The following PRKCH variants were observed in gnomAD, a reference collection of about 807,000 sequenced individuals.
The protein encoded by PRKCH is protein kinase C eta type.
Under a neutral mutation model 82.5 loss-of-function variants are expected in PRKCH, and 28 were observed. The ratio of observed to expected loss-of-function variants is 0.34; its 90% confidence interval spans 0.25 to 0.47. The LOEUF (loss-of-function observed/expected upper bound fraction) is 0.47, where lower values mean the gene tolerates loss of function less well. Among genes scored for constraint, PRKCH ranks in the 20% least tolerant of loss-of-function variants. The pLI is 1.00. For synonymous variants in PRKCH, 322 were observed against 327.4 expected, an observed-to-expected ratio of 0.98 and a Z score of 0.18; for missense variants, 705 against 881.8, an observed-to-expected ratio of 0.80 and a Z score of 2.54.
At chr14:61,249,599 C>T (rs1404949295) in intron 1 of PRKCH, among the ~76,000 whole-genome samples, 1 of 150,348 alleles carries the variant, frequency 6.7e-6, no homozygotes, top group Admixed American at 6.6e-5. Context: ...ACCATTTGCT[C>T]CACCAATGGC....
intron 12 of PRKCH, among the ~76,000 whole-genome samples, chr14:61,531,107 T>C (rs1411511842): frequency 6.6e-6 from 1 of 152,192 alleles, no homozygotes; most frequent in Non-Finnish European, 1.5e-5. Context: ...GAAAGCCGGG[T>C]GCCACGCCCA....
At chr14:61,397,949 G>A (rs995813419) in intron 2 of PRKCH, among the ~76,000 whole-genome samples, 1 of 152,132 alleles carries the variant, frequency 6.6e-6, no homozygotes, top group Non-Finnish European at 1.5e-5. Flanking sequence ...ATTGCTTTGT[G>A]GAAGTCTCTC....
intron 1 of PRKCH, among the ~76,000 whole-genome samples, chr14:61,248,432 A>G (rs928886186): frequency 3.3e-5 from 5 of 152,218 alleles, no homozygotes; most frequent in Admixed American, 1.3e-4. Flanking sequence ...CAAAGCTAAG[A>G]TACTGGCTGC....
chr14:61,227,657 TA>T (rs558629500), intron 1 of PRKCH, among the ~76,000 whole-genome samples: 156 of 152,284 alleles, frequency 1.0e-3, no homozygotes, highest in African/African-American at 3.6e-3. Context: ...CGAACATTTT[TA>T]TGTCCATGCA....
intron 1 of PRKCH, among the ~76,000 whole-genome samples, chr14:61,366,150 C>T (rs985407935): frequency 6.6e-6 from 1 of 152,090 alleles, no homozygotes; most frequent in Non-Finnish European, 1.5e-5. Context: ...TGCCTGGTCC[C>T]TCCATACTGT....
At chr14:61,323,384 C>T (rs768056129) in intron 1 of PRKCH, among the ~76,000 whole-genome samples, 1 of 152,174 alleles carries the variant, frequency 6.6e-6, no homozygotes, top group Admixed American at 6.5e-5. Context: ...TCATCGTTCC[C>T]ACTTTGAGAT....
At chr14:61,314,784 C>G (rs2045549311) in intron 1 of PRKCH, among the ~76,000 whole-genome samples, 1 of 152,170 alleles carries the variant, frequency 6.6e-6, no homozygotes. Flanking sequence ...TCTCTCTCAT[C>G]ATGAGCTGTG....
intron 1 of PRKCH, among the ~76,000 whole-genome samples, chr14:61,205,421 G>C (rs1185442228): frequency 6.6e-6 from 1 of 152,170 alleles, no homozygotes; most frequent in Non-Finnish European, 1.5e-5. Flanking sequence ...CAAGCCACAG[G>C]GGATGCTGAG....
chr14:61,547,995 T>G (rs2043281284), intron 13 of PRKCH, 109 bp downstream of exon 13: 1 of 1,438,010 alleles, frequency 7.0e-7, no homozygotes, highest in Admixed American at 1.9e-5. Context: ...GACCAGAAAT[T>G]CAGCTGGATA....
chr14:61,531,810 G>A (rs540737411), intron 12 of PRKCH, among the ~76,000 whole-genome samples: 3 of 152,254 alleles, frequency 2.0e-5, no homozygotes, highest in African/African-American at 7.2e-5. Context: ...TGTAAGAACA[G>A]TTCATTTGTT....
At chr14:61,301,793 A>G (rs1361205601) in intron 1 of PRKCH, among the ~76,000 whole-genome samples, 1 of 152,230 alleles carries the variant, frequency 6.6e-6, no homozygotes, top group East Asian at 1.9e-4. Context: ...GTGAGCTGTG[A>G]TTGCACCATT....
intron 1 of PRKCH, among the ~76,000 whole-genome samples, chr14:61,357,181 C>T (rs547478982): frequency 2.8e-4 from 43 of 152,328 alleles, no homozygotes; most frequent in Admixed American, 1.5e-3. Flanking sequence ...CACACCTGTG[C>T]GTGAACTTCC....
intron 1 of PRKCH, among the ~76,000 whole-genome samples, chr14:61,243,692 T>G: frequency 6.6e-6 from 1 of 152,232 alleles, no homozygotes; most frequent in Non-Finnish European, 1.5e-5. Flanking sequence ...TCATATTTTA[T>G]TTTTAATTTC....
intron 1 of PRKCH, chr14:61,281,325 G>A (rs2045264112): frequency 5.3e-6 from 2 of 376,780 alleles, no homozygotes; most frequent in African/African-American, 4.3e-5. Context: ...TTAGTTCCAG[G>A]CCCTACGAGC....
At chr14:61,379,530 T>G (rs1254765288) in intron 1 of PRKCH, among the ~76,000 whole-genome samples, 1 of 152,248 alleles carries the variant, frequency 6.6e-6, no homozygotes, top group Non-Finnish European at 1.5e-5. Flanking sequence ...AGCTTTTGCC[T>G]TCTTCCTCCA....
chr14:61,549,942 T>C lies in PRKCH; in HGVS notation c.*111T>C, dbSNP rs1427971477. 11 of 1,211,902 alleles carry C rather than the reference T, an allele frequency of 9.1e-6. No homozygotes were observed. Among genetic ancestry groups the C allele is most frequent in the African/African-American group, 1.5e-5 (1 of 65,736 alleles). The allele number at this position is 1,211,902 out of a possible 1,614,324, so 75.1% of individuals were successfully genotyped here. A position where few individuals can be genotyped will look rare whatever the true frequency, so the allele number is the denominator to read the frequency against. Reference sequence around the variant, plus strand: ...TCAGCCTTAGAACAAGAACCTTACCTTCAAGGAGCAAGTGAAGAACTCTGT... The same window carrying C: ...TCAGCCTTAGAACAAGAACCTTACCCTCAAGGAGCAAGTGAAGAACTCTGT... On this transcript the variant is annotated 3_prime_UTR_variant, in exon 14 of 14. Coordinates refer to ENST00000332981, the MANE Select transcript of PRKCH (RefSeq NM_006255.5).
At chr14:61,319,241 C>T (rs2045588066), upstream of PRKCH, among the ~76,000 whole-genome samples, 1 of 152,218 alleles carries the variant, frequency 6.6e-6, no homozygotes, top group African/African-American at 2.4e-5. Context: ...CCATCTGTCT[C>T]CTCAGGAGCT....
At chr14:61,437,238 C>T (rs1883722243) in intron 2 of PRKCH, among the ~76,000 whole-genome samples, 1 of 152,182 alleles carries the variant, frequency 6.6e-6, no homozygotes, top group Non-Finnish European at 1.5e-5. Flanking sequence ...TCTGTGTTTA[C>T]ATTTTTATGC....
At chr14:61,484,397 A>C (rs1339347717) in intron 9 of PRKCH, among the ~76,000 whole-genome samples, 11 of 147,382 alleles carry the variant, frequency 7.5e-5, no homozygotes, top group Admixed American at 7.1e-4. Flanking sequence ...CTCCGAACTC[A>C]GCACCAGCTA....
Sources: gnomAD v4.1 joint callset for allele counts (sites outside exome capture counted in the v4.1 genomes callset) on GRCh38, gnomAD v4.1.1 for gene constraint, MANE v1.5 for transcripts, NCBI Gene and HGNC (gene_info 2026-07-23, HGNC 2026-07-21) for gene names.